Variants in FOXP1 observed in about 807,000 individuals in gnomAD.
FOXP1 encodes the protein forkhead box P1.
Under a neutral mutation model 98.2 loss-of-function variants are expected in FOXP1, and 15 were observed. The observed-to-expected ratio is 0.15, with a 90% CI of 0.10 to 0.24. FOXP1 has a LOEUF of 0.24. Among genes scored for constraint, FOXP1 ranks in the 10% least tolerant of loss-of-function variants. FOXP1 has a pLI of 1.00. For missense variants in FOXP1, 633 were observed against 848.5 expected, an observed-to-expected ratio of 0.75 and a Z score of 3.15; for synonymous variants, 371 against 314.5, an observed-to-expected ratio of 1.18 and a Z score of -1.90.
intron 2 of FOXP1, among the ~76,000 whole-genome samples, chr3:71,520,007 T>C (rs1257405637): frequency 6.6e-6 from 1 of 152,214 alleles, no homozygotes; most frequent in Non-Finnish European, 1.5e-5. Context: ...CCAGACAATC[T>C]TTGGATTAAG....
intron 2 of FOXP1, among the ~76,000 whole-genome samples, chr3:71,510,489 AT>A (rs769211211): frequency 2.4e-4 from 36 of 152,104 alleles, no homozygotes; most frequent in Non-Finnish European, 4.7e-4. Flanking sequence ...AAAAAAAAAA[AT>A]CAGTTGATCT....
chr3:71,081,162 C>T (rs925889486), intron 7 of FOXP1, among the ~76,000 whole-genome samples: 2 of 152,208 alleles, frequency 1.3e-5, no homozygotes, highest in African/African-American at 4.8e-5. Context: ...TGAAGCAGAA[C>T]TTGACTTTCC....
At chr3:71,195,970 T>C (rs966269985) in intron 6 of FOXP1, among the ~76,000 whole-genome samples, 1 of 152,220 alleles carries the variant, frequency 6.6e-6, no homozygotes. Flanking sequence ...CAGATTTCCC[T>C]TTTCCCCAAC....
At chr3:71,221,782 C>T (rs1201253327) in intron 5 of FOXP1, among the ~76,000 whole-genome samples, 3 of 152,208 alleles carry the variant, frequency 2.0e-5, no homozygotes, top group African/African-American at 7.2e-5. Context: ...TATGTTTCTA[C>T]CTCTTACTTA....
At chr3:71,198,425 A>AGGGGG (rs747142970) in intron 5 of FOXP1, 33 bp from the exon 6 acceptor site, 7 of 530,224 alleles carry the variant, frequency 1.3e-5, no homozygotes, top group Admixed American at 6.3e-5. Context: ...GGGGGGAGGG[A>AGGGGG]GGGGGGGAGA....
intron 5 of FOXP1, among the ~76,000 whole-genome samples, chr3:71,267,783 C>T (rs768632706): frequency 1.3e-5 from 2 of 152,008 alleles, no homozygotes; most frequent in African/African-American, 2.4e-5. Flanking sequence ...TTCTGGAGGC[C>T]GAGGCAGGCA....
At chr3:71,441,327 A>G (rs1484985824) in intron 3 of FOXP1, among the ~76,000 whole-genome samples, 2 of 152,270 alleles carry the variant, frequency 1.3e-5, no homozygotes, top group Non-Finnish European at 2.9e-5. Flanking sequence ...AATGAATGGC[A>G]GAGGCAAGGA....
chr3:70,961,532 G>C (rs943827588), intron 20 of FOXP1, among the ~76,000 whole-genome samples: 16 of 152,098 alleles, frequency 1.1e-4, no homozygotes, highest in African/African-American at 2.9e-4. Context: ...TGGCTCGCCG[G>C]ATATTTTTAT....
chr3:71,198,795 A>G (rs911015507), intron 5 of FOXP1, among the ~76,000 whole-genome samples: 5 of 150,636 alleles, frequency 3.3e-5, no homozygotes, highest in Non-Finnish European at 7.4e-5. Flanking sequence ...CGGGTTCAAG[A>G]GATTCTCCTG....
At chr3:71,301,431 C>G (rs1000271420) in intron 4 of FOXP1, among the ~76,000 whole-genome samples, 1 of 152,152 alleles carries the variant, frequency 6.6e-6, no homozygotes, top group Non-Finnish European at 1.5e-5. Flanking sequence ...AGATACAAAG[C>G]GCACACAGAA....
intron 2 of FOXP1, among the ~76,000 whole-genome samples, chr3:71,507,519 A>C (rs2041911284): frequency 2.0e-5 from 3 of 152,320 alleles, no homozygotes; most frequent in Middle Eastern, 3.4e-3. Flanking sequence ...GCATAGAAGG[A>C]AACGTGAGCC....
chr3:71,158,903 G>A (rs897254656), intron 6 of FOXP1, among the ~76,000 whole-genome samples: 1 of 151,712 alleles, frequency 6.6e-6, no homozygotes, highest in Admixed American at 6.6e-5. Context: ...CCAGGAGTTC[G>A]AGACCAGCCT....
chr3:71,564,626 TGG>T (rs2046776346), intron 2 of FOXP1, among the ~76,000 whole-genome samples: 1 of 152,252 alleles, frequency 6.6e-6, no homozygotes, highest in Admixed American at 6.5e-5. Flanking sequence ...GATGAGGATT[TGG>T]TTACACCCTT....
chr3:71,286,699 A>C (rs939772003), intron 5 of FOXP1, among the ~76,000 whole-genome samples: 2 of 152,310 alleles, frequency 1.3e-5, no homozygotes, highest in Middle Eastern at 3.4e-3. Flanking sequence ...CAAATCAGAA[A>C]CAAAACAAAA....
At chr3:71,027,105 G>C (rs1272809663) in intron 11 of FOXP1, among the ~76,000 whole-genome samples, 1 of 152,156 alleles carries the variant, frequency 6.6e-6, no homozygotes, top group African/African-American at 2.4e-5. Flanking sequence ...TGTCAATACA[G>C]ACATAGGGAT....
chr3:71,375,221 T>C (rs2079628358), intron 3 of FOXP1, among the ~76,000 whole-genome samples: 1 of 152,208 alleles, frequency 6.6e-6, no homozygotes, highest in African/African-American at 2.4e-5. Flanking sequence ...GCTTCTGATA[T>C]CTATATGGTA....
chr3:71,307,586 T>C (rs972052900), intron 4 of FOXP1, among the ~76,000 whole-genome samples: 4 of 152,216 alleles, frequency 2.6e-5, no homozygotes, highest in African/African-American at 9.6e-5. Context: ...AATAAGGTGT[T>C]AGATAACCCA....
intron 5 of FOXP1, among the ~76,000 whole-genome samples, chr3:71,219,319 C>T (rs938123104): frequency 9.2e-5 from 14 of 152,220 alleles, no homozygotes; most frequent in Non-Finnish European, 1.8e-4. Flanking sequence ...TCCTCCAGGC[C>T]TGTTCTGTCC....
rs189150543 is a variant in FOXP1 at position 71,294,597 on chromosome 3, T to C, written c.-12+5223A>G. Among the ~76,000 whole-genome samples the C allele has an allele frequency of 7.8e-4, 119 of 152,282 alleles. 1 individual carries two copies. The highest frequency in any genetic ancestry group is 2.7e-3 in the African/African-American group (114 of 41,554). On this transcript the variant is annotated intron_variant, in intron 5 of 20. Coordinates refer to ENST00000649528, the MANE Select transcript of FOXP1 (RefSeq NM_001349338.3). ...TAAACATCTGCAGTAAGAATTAATATATGTATGTATGTACATACATCTGTA... is the reference window on the plus strand; with the variant it reads ...TAAACATCTGCAGTAAGAATTAATACATGTATGTATGTACATACATCTGTA...
Sources: gnomAD v4.1 joint callset for allele counts (sites outside exome capture counted in the v4.1 genomes callset) on GRCh38, gnomAD v4.1.1 for gene constraint, MANE v1.5 for transcripts, NCBI Gene and HGNC (gene_info 2026-07-23, HGNC 2026-07-21) for gene names.